Variants in CYP19A1 observed in about 807,000 individuals in gnomAD.
The protein encoded by CYP19A1 is cytochrome P450 family 19 subfamily A member 1, also known as aromatase.
In CYP19A1, 32 loss-of-function variants were observed where a neutral mutation model predicts 44.4. The ratio of observed to expected loss-of-function variants is 0.72; its 90% CI spans 0.54 to 0.97. The LOEUF is 0.97. CYP19A1 is among the 50% of genes least tolerant of loss of function. The pLI is 0.00. For missense variants in CYP19A1, 598 were observed against 637.8 expected (o/e 0.94, Z 0.67); for synonymous variants, 212 against 215.6 (o/e 0.98, Z 0.14).
chr15:51,311,924 A>G (rs1433366324), intron 1 of CYP19A1, among the ~76,000 whole-genome samples: 1 of 152,240 alleles, frequency 6.6e-6, no homozygotes, highest in Non-Finnish European at 1.5e-5. Flanking sequence ...CAGCTCTAAA[A>G]TACCACCCTT....
chr15:51,216,720 G>A (rs1361247248), intron 6 of CYP19A1, among the ~76,000 whole-genome samples: 1 of 152,122 alleles, frequency 6.6e-6, no homozygotes, highest in Non-Finnish European at 1.5e-5. Flanking sequence ...ATTACCAGCT[G>A]CATAAATATG....
chr15:51,219,726 A>T (rs960432317), intron 5 of CYP19A1, among the ~76,000 whole-genome samples: 4 of 152,238 alleles, frequency 2.6e-5, no homozygotes, highest in Non-Finnish European at 5.9e-5. Flanking sequence ...TGCCAGCATC[A>T]TAGTCTGCAT....
At position 51,210,869 on chromosome 15, in the gene CYP19A1, G is replaced by A. The variant is rs1418339917; in HGVS notation, c.1451C>T (p.Thr484Ile). The A allele has an allele frequency of 1.3e-6, 2 of 1,589,090 alleles. No homozygotes were observed. The highest frequency in any genetic ancestry group is 2.2e-5 in the South Asian group (2 of 90,584). ...AAAGATCATTTCCAGCATGTTTTTA[G>A]TCTCATCTGGGTGCAAGGACAAGTC... ...IHDLSLHPDE[T>I]KNMLEMIFTP... The change falls in exon 10 of 10, where the codon ACT becomes ATT. Residue 484 changes from threonine to isoleucine, a missense_variant. Coordinates refer to ENST00000396402, the MANE Select transcript of CYP19A1 (RefSeq NM_000103.4).
At chr15:51,211,924 A>G (rs1244840923) in intron 9 of CYP19A1, among the ~76,000 whole-genome samples, 1 of 151,062 alleles carries the variant, frequency 6.6e-6, no homozygotes, top group African/African-American at 2.5e-5. Context: ...TTTGATTTTC[A>G]TCTGAAGCAG....
intron 1 of CYP19A1, among the ~76,000 whole-genome samples, chr15:51,317,817 CT>C (rs2036455587): frequency 6.6e-6 from 1 of 152,210 alleles, no homozygotes; most frequent in South Asian, 2.1e-4. Context: ...GGTTGAAGGA[CT>C]TGTCCAAGGT....
intron 1 of CYP19A1, among the ~76,000 whole-genome samples, chr15:51,285,312 G>A (rs906328168): frequency 5.9e-5 from 9 of 152,180 alleles, no homozygotes; most frequent in South Asian, 2.1e-4. Context: ...AAACCAGAGC[G>A]ACTCCATTTT....
intron 8 of CYP19A1, 55 bp from the exon 9 acceptor site, chr15:51,212,616 T>A: frequency 8.7e-7 from 1 of 1,147,750 alleles, no homozygotes; most frequent in Non-Finnish European, 1.3e-6. Context: ...CATCTGTGAT[T>A]GGTATTAAAG....
chr15:51,248,432 T>C (rs770871876), intron 1 of CYP19A1, among the ~76,000 whole-genome samples: 1 of 152,252 alleles, frequency 6.6e-6, no homozygotes, highest in Non-Finnish European at 1.5e-5. Flanking sequence ...TGAGTGACTT[T>C]GTAATGTCAG....
rs2036126371 is a variant in CYP19A1, at chr15:51,302,130, A to G, written c.-39+36365T>C. 5.3e-5 allele frequency among the ~76,000 whole-genome samples: 8 copies of G among 152,238 alleles called. No individual in the cohort carries two copies. The South Asian group carries it at 1.7e-3, about 32-fold the overall frequency. On this transcript the variant is annotated intron_variant, in intron 1 of 9. Coordinates refer to ENST00000396402, the MANE Select transcript of CYP19A1 (RefSeq NM_000103.4). ...GTTCTTGCCATCTAAAGTCACATTC[A>G]GTCTTTTTTTTCACCTCTACCTGCC... is the stretch of plus-strand genomic sequence containing the variant.
At chr15:51,235,960 G>A (rs1053577579) in intron 3 of CYP19A1, among the ~76,000 whole-genome samples, 10 of 152,166 alleles carry the variant, frequency 6.6e-5, no homozygotes, top group Non-Finnish European at 1.3e-4. Flanking sequence ...AGGGAAATAC[G>A]CCATCTTTGA....
In CYP19A1 at chr15:51,308,894, G is replaced by A. The variant is rs748309589; in HGVS notation, c.-39+29601C>T. ...CACAGGGTACCCTTGCTGACACACGGCACCTACTTGTGCTCGCTAAATGGC... is the reference window on the plus strand; with the variant it reads ...CACAGGGTACCCTTGCTGACACACGACACCTACTTGTGCTCGCTAAATGGC... On this transcript the variant is annotated intron_variant, in intron 1 of 9. Transcript: ENST00000396402. Among the ~76,000 whole-genome samples, 62 of 152,160 alleles carry A rather than the reference G, an allele frequency of 4.1e-4. 1 individual carries two copies. Among genetic ancestry groups the A allele is most frequent in the Admixed American group, 1.5e-3 (23 of 15,278 alleles).
At chr15:51,273,295 C>A (rs987790538) in intron 1 of CYP19A1, among the ~76,000 whole-genome samples, 2 of 152,088 alleles carry the variant, frequency 1.3e-5, no homozygotes, top group African/African-American at 4.8e-5. Context: ...GATCAATAGG[C>A]AGAATAGTGT....
intron 1 of CYP19A1, among the ~76,000 whole-genome samples, chr15:51,313,854 G>A (rs1034439123): frequency 6.6e-6 from 1 of 152,026 alleles, no homozygotes; most frequent in Non-Finnish European, 1.5e-5. Flanking sequence ...AAGGGCTGGG[G>A]TGCGTGGTCT....
chr15:51,325,562 A>G lies in CYP19A1; in HGVS notation c.-39+12933T>C, dbSNP rs76262205. On this transcript the variant is annotated intron_variant, in intron 1 of 9. Transcript: ENST00000396402. Reference sequence around the variant, plus strand: ...TATTGAAAAGTTGAAAGTGCAGGCCAGGCGCCATGGCTCATGCCTGTAATC... The same window carrying G: ...TATTGAAAAGTTGAAAGTGCAGGCCGGGCGCCATGGCTCATGCCTGTAATC... 3.3e-5 allele frequency among the ~76,000 whole-genome samples: 5 copies of G among 152,288 alleles called. No individual in the cohort carries two copies. In the East Asian group the frequency reaches 7.7e-4, roughly 24 times the overall value.
chr15:51,325,370 C>T (rs769464023), intron 1 of CYP19A1, among the ~76,000 whole-genome samples: 1 of 152,076 alleles, frequency 6.6e-6, no homozygotes, highest in East Asian at 1.9e-4. Flanking sequence ...ACTTGCAGCC[C>T]ATAGATATTC....
intron 1 of CYP19A1, among the ~76,000 whole-genome samples, chr15:51,260,881 G>A (rs1054678120): frequency 2.6e-5 from 4 of 152,122 alleles, no homozygotes; most frequent in African/African-American, 4.8e-5. Flanking sequence ...CCTTGTATGG[G>A]AGCCCTGTTT....
intron 1 of CYP19A1, chr15:51,323,759 C>G (rs1177581392): frequency 6.6e-6 from 1 of 152,142 alleles, no homozygotes; most frequent in African/African-American, 2.4e-5. Flanking sequence ...GGATGTACAC[C>G]GGCGCTTTCC....
intron 4 of CYP19A1, among the ~76,000 whole-genome samples, chr15:51,225,629 G>T (rs754216919): frequency 3.9e-5 from 6 of 152,076 alleles, no homozygotes; most frequent in African/African-American, 7.2e-5. Flanking sequence ...AAGGTATAAG[G>T]AGATTTATCT....
intron 1 of CYP19A1, among the ~76,000 whole-genome samples, chr15:51,247,954 A>G (rs2034139895): frequency 6.6e-6 from 1 of 151,752 alleles, no homozygotes; most frequent in Admixed American, 6.6e-5. Context: ...ATGGGCCTTA[A>G]CCCTACCCTC....
Sources: allele counts gnomAD v4.1 joint callset (sites outside exome capture counted in the v4.1 genomes callset), GRCh38; gene constraint gnomAD v4.1.1; transcripts MANE v1.5; gene names NCBI Gene and HGNC (gene_info 2026-07-23, HGNC 2026-07-21).